The following RFC3 variants were observed in gnomAD, a reference collection of about 807,000 sequenced individuals.
The protein encoded by RFC3 is replication factor C subunit 3.
RFC3 carries 41 observed loss-of-function variants against 45.1 expected under a neutral mutation model. The ratio of observed to expected loss-of-function variants is 0.91; its 90% CI spans 0.71 to 1.18. The LOEUF is 1.18. Among genes scored for constraint, RFC3 ranks in the 50% most tolerant of loss-of-function variants. The pLI is 0.00. For missense variants in RFC3, 423 were observed against 428.1 expected, an observed-to-expected ratio of 0.99 and a Z score of 0.10; for synonymous variants, 149 against 144.0, an observed-to-expected ratio of 1.03 and a Z score of -0.25.
At chr13:33,891,194 A>T (rs1301495967) in intron 8 of RFC3, among the ~76,000 whole-genome samples, 1 of 152,192 alleles carries the variant, frequency 6.6e-6, no homozygotes. Flanking sequence ...ATATACAACT[A>T]AGAGTGGCAA....
chr13:33,832,010 A>G (rs1228715916), intron 7 of RFC3, among the ~76,000 whole-genome samples: 1 of 152,174 alleles, frequency 6.6e-6, no homozygotes, highest in Non-Finnish European at 1.5e-5. Flanking sequence ...GTATTTTTTG[A>G]CACATTTGCT....
chr13:33,859,831 C>A (rs1158468908), intron 8 of RFC3, among the ~76,000 whole-genome samples: 3 of 152,122 alleles, frequency 2.0e-5, no homozygotes. Flanking sequence ...TCTGTCTGGG[C>A]ATGTTATGGA....
chr13:33,920,420 CTT>C (rs777079510), intron 8 of RFC3, among the ~76,000 whole-genome samples: 7,586 of 82,414 alleles, frequency 0.092, 183 homozygotes, highest in East Asian at 0.16. Flanking sequence ...TACAACCACA[CTT>C]TTTTTTTTTT....
chr13:33,827,528 A>G (rs918312006), intron 4 of RFC3, among the ~76,000 whole-genome samples: 3 of 152,240 alleles, frequency 2.0e-5, no homozygotes, highest in South Asian at 2.1e-4. Flanking sequence ...TGAAATTTAA[A>G]ATTTTAATCA....
intron 8 of RFC3, among the ~76,000 whole-genome samples, chr13:33,895,903 A>T (rs1220000637): frequency 6.6e-6 from 1 of 152,178 alleles, no homozygotes; most frequent in Non-Finnish European, 1.5e-5. Context: ...GAAGTAACTC[A>T]GGAATGGAAA....
Position 33,818,154 on chromosome 13 carries a change from T to C in RFC3, c.-25T>C. 6.2e-7 allele frequency: 1 copy of C among 1,602,344 alleles called. No homozygotes were observed. The highest frequency in any genetic ancestry group is 8.5e-7 in the Non-Finnish European group (1 of 1,171,962). On this transcript the variant is annotated 5_prime_UTR_variant, in exon 1 of 9. Coordinates refer to ENST00000380071, the MANE Select transcript of RFC3 (RefSeq NM_002915.4). ...CGCGCTCGCGCGGGATTTTCAAGCG[T>C]AGGCCCCCGGGAACTCGAGCTGCCA...
intron 8 of RFC3, among the ~76,000 whole-genome samples, chr13:33,905,880 A>G (rs757652772): frequency 5.9e-5 from 9 of 152,128 alleles, no homozygotes; most frequent in Non-Finnish European, 8.8e-5. Flanking sequence ...AAGACAATCC[A>G]TATCTATGTG....
chr13:33,957,537 A>G lies in RFC3; in HGVS notation c.880-8550A>G, dbSNP rs951912815. ...CTGAATATTCTACAAATGTGCAGAG[A>G]AATGGGCGACATTTGTTTTGGAGTA... On this transcript the variant is annotated intron_variant, in intron 8 of 8. Coordinates refer to the RFC3 transcript ENST00000434425. 9.9e-5 allele frequency among the ~76,000 whole-genome samples: 15 copies of G among 152,122 alleles called. No individual in the cohort carries two copies. The East Asian group carries it at 2.9e-3, about 29-fold the overall frequency.
chr13:33,845,128 A>G (rs551159844), intron 8 of RFC3, among the ~76,000 whole-genome samples: 1 of 152,280 alleles, frequency 6.6e-6, no homozygotes, highest in South Asian at 2.1e-4. Flanking sequence ...TAAGATTTCC[A>G]TAGTGAAATC....
chr13:33,852,608 G>A (rs1182772582), intron 8 of RFC3, among the ~76,000 whole-genome samples: 1 of 152,136 alleles, frequency 6.6e-6, no homozygotes, highest in East Asian at 1.9e-4. Context: ...AGTTTGGAAG[G>A]AGAAAGTTTT....
At chr13:33,925,860 GT>G (rs1487942191) in intron 8 of RFC3, among the ~76,000 whole-genome samples, 2 of 151,944 alleles carry the variant, frequency 1.3e-5, no homozygotes, top group African/African-American at 4.8e-5. Flanking sequence ...ACTGCAGAGT[GT>G]CTGACATTGT....
chr13:33,840,714 A>AT (rs1282569471), downstream of RFC3, among the ~76,000 whole-genome samples: 25 of 55,196 alleles, frequency 4.5e-4, no homozygotes, highest in African/African-American at 7.5e-4. Flanking sequence ...ATAAACAAAA[A>AT]ATTTTTTTGA....
At chr13:33,849,885 A>T (rs2082265354) in intron 8 of RFC3, 1 of 152,080 alleles carries the variant, frequency 6.6e-6, no homozygotes, top group Non-Finnish European at 1.5e-5. Context: ...TCAAAAAAAA[A>T]CAAACCAACA....
chr13:33,947,658 G>A (rs533042920), intron 8 of RFC3, among the ~76,000 whole-genome samples: 41 of 152,260 alleles, frequency 2.7e-4, no homozygotes, highest in African/African-American at 9.4e-4. Context: ...GAGAAAGTTT[G>A]GAACTTCCTA....
intron 8 of RFC3, among the ~76,000 whole-genome samples, chr13:33,863,014 T>C (rs955325858): frequency 5.3e-5 from 8 of 152,184 alleles, no homozygotes; most frequent in African/African-American, 1.4e-4. Flanking sequence ...GTGAAAATAA[T>C]TTTCTGGAGG....
At chr13:33,939,535 G>T (rs1455547720) in intron 8 of RFC3, among the ~76,000 whole-genome samples, 1 of 152,166 alleles carries the variant, frequency 6.6e-6, no homozygotes, top group Non-Finnish European at 1.5e-5. Flanking sequence ...TTCCTGCATT[G>T]TATCCTTTAT....
intron 8 of RFC3, among the ~76,000 whole-genome samples, chr13:33,927,921 C>T (rs977621050): frequency 6.6e-6 from 1 of 152,048 alleles, no homozygotes; most frequent in Non-Finnish European, 1.5e-5. Context: ...GCTCTAGGGA[C>T]TTAATTCAGC....
At chr13:33,842,788 A>T (rs545698670) in intron 8 of RFC3, among the ~76,000 whole-genome samples, 7 of 152,334 alleles carry the variant, frequency 4.6e-5, no homozygotes, top group Admixed American at 3.9e-4. Context: ...GGGCAAGCCC[A>T]TTAACAGTTA....
At chr13:33,950,258 G>A (rs1019414600) in intron 8 of RFC3, among the ~76,000 whole-genome samples, 3 of 152,046 alleles carry the variant, frequency 2.0e-5, no homozygotes, top group Non-Finnish European at 4.4e-5. Flanking sequence ...AATAAAAGTG[G>A]TTTTTAAAAT....
Sources: allele counts gnomAD v4.1 joint callset (sites outside exome capture counted in the v4.1 genomes callset), GRCh38; gene constraint gnomAD v4.1.1; transcripts MANE v1.5; gene names NCBI Gene and HGNC (gene_info 2026-07-23, HGNC 2026-07-21).